CRY1: variants seen among roughly 807,000 people sequenced by gnomAD.
CRY1 encodes the protein cryptochrome circadian regulator 1.
Under a neutral mutation model 76.0 loss-of-function variants are expected in CRY1, and 45 were observed. That is an observed-to-expected ratio of 0.59 (90% confidence interval 0.47 to 0.76). The LOEUF (loss-of-function observed/expected upper bound fraction) is 0.76, where lower values mean the gene tolerates loss of function less well. Among genes scored for constraint, CRY1 ranks in the 30% least tolerant of loss-of-function variants. The pLI is 0.00. For missense variants in CRY1, 587 were observed against 716.4 expected (o/e 0.82, Z 2.06); for synonymous variants, 248 against 244.0 (o/e 1.02, Z -0.15).
intron 1 of CRY1, among the ~76,000 whole-genome samples, chr12:107,062,973 C>T (rs889482769): frequency 4.6e-5 from 7 of 152,144 alleles, no homozygotes; most frequent in African/African-American, 1.4e-4. Context: ...TACTAGGATA[C>T]TGTGTATATA....
Position 106,993,006 on chromosome 12 carries a change from T to C in CRY1, c.1616A>G (p.Tyr539Cys), listed in dbSNP as rs768960350. Residue 539 changes from tyrosine to cysteine, a missense_variant, in exon 11 of 13, where the codon TAT becomes TGT. By Grantham distance (194) the Tyr-to-Cys change is radical (BLOSUM62 -2). Transcript: ENST00000008527. ...SCSQGSGILH[Y>C]AHGDSQQTHL... Reference sequence around the variant, plus strand: ...AGTTTGCTGACTGTCGCCATGAGCATAGTGTAAAATACCACTCCCTTGAGA... The same window carrying C: ...AGTTTGCTGACTGTCGCCATGAGCACAGTGTAAAATACCACTCCCTTGAGA... 3.1e-6 allele frequency: 5 copies of C among 1,614,094 alleles called. No individual in the cohort carries two copies. In the East Asian group the frequency reaches 6.7e-5, roughly 22 times the overall value.
Position 106,997,548 on chromosome 12 carries a change from G to A in CRY1, c.1432C>T (p.Arg478Cys), listed in dbSNP as rs1365790688. Residue 478 changes from arginine (R) to cysteine (C), a missense_variant, in exon 9 of 13, where the codon CGT (arginine) becomes TGT (cysteine). Physicochemically the swap from Arg to Cys is radical, Grantham distance 180 (BLOSUM62 -3). Coordinates refer to ENST00000008527, the MANE Select transcript of CRY1 (RefSeq NM_004075.5). ...TGTTTCATCCTTTCGATATTCAAAC[G>A]GCTTGCCTCAGCATGGTTCACCATT... is the stretch of plus-strand genomic sequence containing the variant. ...KPMVNHAEAS[R>C]LNIERMKQIY... The A allele has an allele frequency of 1.2e-6, 2 of 1,613,996 alleles. No homozygotes were observed. The highest frequency in any genetic ancestry group is 1.7e-6 in the Non-Finnish European group (2 of 1,179,968).
chr12:107,001,247 A>G (rs1259215627), intron 5 of CRY1, 33 bp downstream of exon 5: 1 of 1,482,442 alleles, frequency 6.7e-7, no homozygotes, highest in East Asian at 2.3e-5. Flanking sequence ...GTTTGGAAAT[A>G]CAAGCATAGC....
intron 1 of CRY1, among the ~76,000 whole-genome samples, chr12:107,042,150 A>G (rs1280745623): frequency 2.0e-5 from 3 of 152,238 alleles, no homozygotes; most frequent in South Asian, 2.1e-4. Flanking sequence ...AATTAAATCA[A>G]TGAGGGAGAA....
chr12:107,040,349 C>A (rs1484571036), intron 1 of CRY1, among the ~76,000 whole-genome samples: 1 of 134,214 alleles, frequency 7.5e-6, no homozygotes, highest in Non-Finnish European at 1.5e-5. Flanking sequence ...TGCAGTGGCA[C>A]AATCTCGGCT....
intron 1 of CRY1, among the ~76,000 whole-genome samples, chr12:107,053,916 G>A (rs1315337048): frequency 6.6e-6 from 1 of 152,178 alleles, no homozygotes; most frequent in Non-Finnish European, 1.5e-5. Context: ...CAGGCTCAGA[G>A]AAAATCACTG....
chr12:107,086,872 G>A (rs562897818), intron 1 of CRY1, among the ~76,000 whole-genome samples: 50 of 152,338 alleles, frequency 3.3e-4, no homozygotes, highest in African/African-American at 1.2e-3. Flanking sequence ...ACTCACTGTA[G>A]AGCAGCGGGA....
chr12:107,012,511 CA>C (rs1162371574), intron 2 of CRY1, among the ~76,000 whole-genome samples: 2 of 152,192 alleles, frequency 1.3e-5, no homozygotes, highest in African/African-American at 4.8e-5. Flanking sequence ...CTTTGTCATC[CA>C]AAAGTTCCAA....
intron 2 of CRY1, among the ~76,000 whole-genome samples, chr12:107,017,456 C>T (rs1019173991): frequency 6.6e-6 from 1 of 152,214 alleles, no homozygotes; most frequent in Non-Finnish European, 1.5e-5. Flanking sequence ...CATGAGGCTG[C>T]AATTCGCTGG....
chr12:107,037,333 A>AC (rs1233499854), intron 1 of CRY1, among the ~76,000 whole-genome samples: 1 of 152,142 alleles, frequency 6.6e-6, no homozygotes, highest in Non-Finnish European at 1.5e-5. Context: ...GGAGTTCGAG[A>AC]CCAGCCTGGC....
chr12:107,023,386 C>T (rs1285317789), intron 1 of CRY1, among the ~76,000 whole-genome samples: 1 of 152,234 alleles, frequency 6.6e-6, no homozygotes, highest in African/African-American at 2.4e-5. Context: ...TCAACAGCCA[C>T]ATGTATAGCT....
chr12:107,066,599 G>A (rs556511502), intron 1 of CRY1, among the ~76,000 whole-genome samples: 2 of 152,030 alleles, frequency 1.3e-5, no homozygotes, highest in South Asian at 4.2e-4. Flanking sequence ...GAGACTACAT[G>A]GGACTACAGA....
chr12:107,081,290 T>C (rs749457408), intron 1 of CRY1, among the ~76,000 whole-genome samples: 1 of 152,074 alleles, frequency 6.6e-6, no homozygotes, highest in African/African-American at 2.4e-5. Context: ...CATTAACATA[T>C]AAATTATATA....
intron 5 of CRY1, among the ~76,000 whole-genome samples, chr12:107,001,022 ATAC>A (rs1270292129): frequency 6.6e-6 from 1 of 152,110 alleles, no homozygotes; most frequent in East Asian, 1.9e-4. Flanking sequence ...TGGCCACTAG[ATAC>A]TAGCTTAGGT....
intron 1 of CRY1, among the ~76,000 whole-genome samples, chr12:107,077,614 A>T (rs1445452990): frequency 6.6e-6 from 1 of 152,234 alleles, no homozygotes; most frequent in African/African-American, 2.4e-5. Flanking sequence ...TCCTGTGAAT[A>T]CACTATGCTC....
chr12:107,062,764 T>C (rs1953062640), intron 1 of CRY1, among the ~76,000 whole-genome samples: 1 of 152,212 alleles, frequency 6.6e-6, no homozygotes, highest in Non-Finnish European at 1.5e-5. Flanking sequence ...AATACAGGAT[T>C]ATCCATAACG....
At chr12:106,998,305 T>C (rs1178658620) in intron 7 of CRY1, among the ~76,000 whole-genome samples, 2 of 152,150 alleles carry the variant, frequency 1.3e-5, no homozygotes, top group African/African-American at 4.8e-5. Flanking sequence ...CTCTGCAGTG[T>C]TACTGGGAGA....
At chr12:106,994,058 A>G (rs1952208028) in intron 10 of CRY1, among the ~76,000 whole-genome samples, 1 of 151,722 alleles carries the variant, frequency 6.6e-6, no homozygotes, top group South Asian at 2.1e-4. Flanking sequence ...AAAAACAAAC[A>G]AAAACAAACA....
intron 1 of CRY1, among the ~76,000 whole-genome samples, chr12:107,033,790 T>C (rs1037813743): frequency 6.6e-6 from 1 of 150,756 alleles, no homozygotes; most frequent in African/African-American, 2.4e-5. Context: ...TAGTGAAATG[T>C]TGAAAGCACT....
Sources: gnomAD v4.1 joint callset for allele counts (sites outside exome capture counted in the v4.1 genomes callset) on GRCh38, gnomAD v4.1.1 for gene constraint, MANE v1.5 for transcripts, NCBI Gene and HGNC (gene_info 2026-07-23, HGNC 2026-07-21) for gene names.